Variants in CHEK2 observed in about 807,000 individuals in gnomAD.
The protein encoded by CHEK2 is serine/threonine-protein kinase Chk2.
CHEK2 carries 71 observed loss-of-function variants against 69.1 expected under a neutral mutation model. The ratio of observed to expected loss-of-function variants is 1.03; its 90% CI spans 0.85 to 1.25. CHEK2 has a LOEUF of 1.25. CHEK2 is among the 50% of genes most tolerant of loss of function. The probability of loss-of-function intolerance (pLI) is 0.00; values close to 1 mark genes in which losing one functional copy is unlikely to be tolerated. For synonymous variants in CHEK2, 189 were observed against 226.9 expected, an observed-to-expected ratio of 0.83 and a Z score of 1.50; for missense variants, 664 against 649.6, an observed-to-expected ratio of 1.02 and a Z score of -0.24.
intron 13 of CHEK2, among the ~76,000 whole-genome samples, chr22:28,691,137 C>CA (rs1284655413): frequency 3.9e-5 from 6 of 152,236 alleles, no homozygotes; most frequent in African/African-American, 1.4e-4. Context: ...GGCAGCCCTT[C>CA]AGTGAAGCCA....
intron 5 of CHEK2, among the ~76,000 whole-genome samples, chr22:28,715,538 A>C (rs1414811790): frequency 1.3e-5 from 2 of 151,494 alleles, no homozygotes; most frequent in Non-Finnish European, 2.9e-5. Flanking sequence ...TCTTGCCTCA[A>C]CCTCCCAAGT....
chr22:28,734,504 G>C lies in CHEK2; in HGVS notation c.218C>G (p.Ser73Cys), dbSNP rs2054318997. Residue 73 changes from serine (S) to cysteine (C), a missense_variant, in exon 2 of 15, where the codon TCT becomes TGT. Physicochemically the swap from Ser to Cys is moderately radical, Grantham distance 112. Transcript: ENST00000404276. Reference protein sequence around the residue: ...LETVSTQELYSIPEDQEPEDQ... With the variant: ...LETVSTQELYCIPEDQEPEDQ... Reference sequence around the variant, plus strand: ...CTCAGGTTCTTGGTCCTCAGGAATAGAATAGAGTTCCTGAGTGGACACTGT... The same window carrying C: ...CTCAGGTTCTTGGTCCTCAGGAATACAATAGAGTTCCTGAGTGGACACTGT... The C allele has an allele frequency of 6.2e-7, 1 of 1,614,032 alleles. No individual in the cohort carries two copies.
Position 28,718,046 on chromosome 22 carries a change from A to C in CHEK2, c.683+1349T>G, listed in dbSNP as rs554597266. Among the ~76,000 whole-genome samples the C allele has an allele frequency of 2.0e-5, 3 of 152,322 alleles. No individual in the cohort carries two copies. The East Asian group carries it at 5.8e-4, about 29-fold the overall frequency. ...CAGTGGGCCAAGATCACGCCACTGC[A>C]CCTCAGTCTGAGTGACAGAGTGAAA... is the stretch of plus-strand genomic sequence containing the variant. On this transcript the variant is annotated intron_variant, in intron 5 of 14. Transcript: ENST00000404276.
At chr22:28,713,942 A>G (rs1224145780) in intron 5 of CHEK2, among the ~76,000 whole-genome samples, 2 of 152,126 alleles carry the variant, frequency 1.3e-5, no homozygotes, top group Admixed American at 6.6e-5. Context: ...CAGCCTCCCA[A>G]AGTGCTGGGA....
Position 28,698,222 on chromosome 22 carries a change from CT to C in CHEK2, c.1009-1236del, listed in dbSNP as rs1419195351. On this transcript the variant is annotated intron_variant, in intron 9 of 14. Coordinates refer to ENST00000404276, the MANE Select transcript of CHEK2 (RefSeq NM_007194.4). Reference sequence around the variant, plus strand: ...CCTGGCCAACATGGTGAAACCCTATCTTTACTAAAAAAAAAAAAAAAAAAAT... The same window carrying C: ...CCTGGCCAACATGGTGAAACCCTATCTTACTAAAAAAAAAAAAAAAAAAAT... Among the ~76,000 whole-genome samples, 58 of 38,122 alleles carry C rather than the reference CT, an allele frequency of 1.5e-3. 1 individual carries two copies. The highest frequency in any genetic ancestry group is 2.9e-3 in the African/African-American group (55 of 19,262). 25.0% of individuals were successfully genotyped at this position (38,122 alleles called of 152,430 possible). A position where few individuals can be genotyped will look rare whatever the true frequency, so the allele number is the denominator to read the frequency against.
chr22:28,699,773 CTAATTCAGGGAG>C (rs1338657242), intron 9 of CHEK2, 53 bp downstream of exon 9: 33 of 1,107,578 alleles, frequency 3.0e-5, no homozygotes, highest in Admixed American at 2.0e-4. Context: ...CGATTTCTGC[CTAATTCAGGGAG>C]TAATTCAACT....
At chr22:28,704,192 C>T (rs540583364) in intron 7 of CHEK2, among the ~76,000 whole-genome samples, 41 of 151,224 alleles carry the variant, frequency 2.7e-4, no homozygotes, top group Admixed American at 7.3e-4. Flanking sequence ...GACCACTGAT[C>T]AATGCAGGGT....
chr22:28,709,861 C>T, intron 7 of CHEK2, 145 bp downstream of exon 7: 2 of 484,878 alleles, frequency 4.1e-6, no homozygotes, highest in Non-Finnish European at 7.8e-6. Context: ...GGTGATTCAC[C>T]CACCTCGGCC....
At chr22:28,690,628 CAAAAAAAA>C (rs35236854) in intron 13 of CHEK2, among the ~76,000 whole-genome samples, 3 of 88,080 alleles carry the variant, frequency 3.4e-5, no homozygotes, top group African/African-American at 1.2e-4. Flanking sequence ...ACACTGTCTC[CAAAAAAAA>C]AAAAAAAAAA....
chr22:28,729,029 T>C (rs540211773), intron 2 of CHEK2, among the ~76,000 whole-genome samples: 1 of 152,116 alleles, frequency 6.6e-6, no homozygotes, highest in East Asian at 1.9e-4. Context: ...CTATCAAATA[T>C]GTAAAGAACT....
At chr22:28,693,556 A>G (rs1431112316) in intron 13 of CHEK2, among the ~76,000 whole-genome samples, 2 of 152,182 alleles carry the variant, frequency 1.3e-5, no homozygotes, top group Non-Finnish European at 2.9e-5. Context: ...CAAGCACTCA[A>G]AAGAACACAG....
intron 9 of CHEK2, 184 bp downstream of exon 9, chr22:28,699,654 G>A (rs530253695): frequency 4.7e-5 from 29 of 618,134 alleles, no homozygotes; most frequent in East Asian, 2.3e-4. Flanking sequence ...GAACCACCGC[G>A]CCTCGCCAGT....
intron 9 of CHEK2, among the ~76,000 whole-genome samples, chr22:28,698,390 A>G (rs2052678460): frequency 6.6e-6 from 1 of 152,016 alleles, no homozygotes; most frequent in Non-Finnish European, 1.5e-5. Context: ...GTGAGACATC[A>G]TCTCAAAAAA....
chr22:28,739,935 GC>G (rs2054508780), intron 1 of CHEK2, among the ~76,000 whole-genome samples: 1 of 152,280 alleles, frequency 6.6e-6, no homozygotes, highest in South Asian at 2.1e-4. Context: ...ATGTACAGTG[GC>G]TCACGCCTGT....
rs67140480 is a variant in CHEK2, at chr22:28,723,610, AG to A, written c.592+1366del. ...AAGGCTCCGTCACAAGGAAAAAAAA[AG>A]AAAAAAAAAAAAAAGGAGCTCAATA... On this transcript the variant is annotated intron_variant, in intron 4 of 14. Coordinates refer to ENST00000404276, the MANE Select transcript of CHEK2 (RefSeq NM_007194.4). 7.4e-3 allele frequency among the ~76,000 whole-genome samples: 981 copies of A among 132,430 alleles called. 73 individuals carry two copies. The highest frequency in any genetic ancestry group is 0.023 in the African/African-American group (829 of 35,368). The allele number at this position is 132,430 out of a possible 152,430, so 86.9% of individuals were successfully genotyped here.
Position 28,727,115 on chromosome 22 carries a change from C to G in CHEK2, c.320-1748G>C, listed in dbSNP as rs998805450. Reference sequence around the variant, plus strand: ...GGAGTGCGGTGGCGCGATCTCGGCTCACTGCAACCTCCACCTCCCAGGTTC... The same window carrying G: ...GGAGTGCGGTGGCGCGATCTCGGCTGACTGCAACCTCCACCTCCCAGGTTC... On this transcript the variant is annotated intron_variant, in intron 2 of 14. Coordinates refer to ENST00000404276, the MANE Select transcript of CHEK2 (RefSeq NM_007194.4). Among the ~76,000 whole-genome samples the G allele has an allele frequency of 5.3e-5, 8 of 152,214 alleles. No individual in the cohort carries two copies. In the East Asian group the frequency reaches 1.5e-3, roughly 29 times the overall value.
At chr22:28,739,712 C>G (rs1189657190) in intron 1 of CHEK2, among the ~76,000 whole-genome samples, 1 of 151,820 alleles carries the variant, frequency 6.6e-6, no homozygotes, top group Non-Finnish European at 1.5e-5. Context: ...AACAAAAAAA[C>G]CCACAATGAG....
In CHEK2 at chr22:28,730,316, CAGAAG is replaced by C. The variant is rs544310054; in HGVS notation, c.319+4082_319+4086del. 610 of 383,210 alleles carry C rather than the reference CAGAAG, an allele frequency of 1.6e-3. 5 individuals are homozygous for C. In the African/African-American group the frequency reaches 0.016, roughly 10 times the overall value. 23.7% of individuals were successfully genotyped at this position (383,210 alleles called of 1,614,324 possible). On this transcript the variant is annotated intron_variant, in intron 2 of 14. Transcript: ENST00000404276. ...AAGGAAAGCGGAAGGGAAAGGAAAG[CAGAAG>C]GGAAAGGAAAGGAAAGGAAAAAAGA...
At chr22:28,720,985 T>TA (rs1295885562) in intron 4 of CHEK2, among the ~76,000 whole-genome samples, 4 of 152,204 alleles carry the variant, frequency 2.6e-5, no homozygotes, top group African/African-American at 7.2e-5. Context: ...AGGCAGCCTC[T>TA]ACTCAGTGCC....
Sources: gnomAD v4.1 joint callset for allele counts (sites outside exome capture counted in the v4.1 genomes callset) on GRCh38, gnomAD v4.1.1 for gene constraint, MANE v1.5 for transcripts, NCBI Gene and HGNC (gene_info 2026-07-23, HGNC 2026-07-21) for gene names.